Variants in DTNB observed in about 807,000 individuals in gnomAD.
DTNB encodes the protein dystrobrevin beta, also known as DTN-B.
DTNB carries 63 observed loss-of-function variants against 90.7 expected under a neutral mutation model. The ratio of observed to expected loss-of-function variants is 0.69; its 90% CI spans 0.57 to 0.86. The LOEUF is 0.86. DTNB is among the 40% of genes least tolerant of loss of function. DTNB has a pLI of 0.00. For synonymous variants in DTNB, 277 were observed against 286.7 expected (o/e 0.97, Z 0.34); for missense variants, 744 against 807.1 (o/e 0.92, Z 0.95).
intron 3 of DTNB, among the ~76,000 whole-genome samples, chr2:25,630,067 G>A (rs1159071208): frequency 6.6e-6 from 1 of 152,046 alleles, no homozygotes; most frequent in African/African-American, 2.4e-5. Context: ...ATTTAAAAAT[G>A]GGAAAATAAT....
At position 25,474,723 on chromosome 2, in the gene DTNB, T is replaced by G. The variant is rs141326057; in HGVS notation, c.1079+8073A>C. On this transcript the variant is annotated intron_variant, in intron 10 of 20. Transcript: ENST00000406818. ...CTGTGCTTTTTACAAATTGAACATTTGTGGCAACCCTGAGTTGAGCAAGGC... is the reference window on the plus strand; with the variant it reads ...CTGTGCTTTTTACAAATTGAACATTGGTGGCAACCCTGAGTTGAGCAAGGC... Among the ~76,000 whole-genome samples, 263 of 152,342 alleles carry G rather than the reference T, an allele frequency of 1.7e-3. 1 individual carries two copies. The highest frequency in any genetic ancestry group is 6.1e-3 in the African/African-American group (254 of 41,572).
intron 5 of DTNB, among the ~76,000 whole-genome samples, chr2:25,605,009 G>A (rs1271625452): frequency 1.3e-5 from 2 of 152,174 alleles, no homozygotes; most frequent in Non-Finnish European, 2.9e-5. Flanking sequence ...ATGAGCCACT[G>A]CACCCAGCCA....
chr2:25,512,933 C>A (rs556532679), intron 9 of DTNB, among the ~76,000 whole-genome samples: 56 of 152,182 alleles, frequency 3.7e-4, no homozygotes, highest in Non-Finnish European at 5.3e-4. Flanking sequence ...GCCTTGAATT[C>A]CAGCACGAGG....
chr2:25,634,939 T>TGC (rs2076808950), intron 3 of DTNB, among the ~76,000 whole-genome samples: 1 of 126,246 alleles, frequency 7.9e-6, no homozygotes, highest in Non-Finnish European at 1.8e-5. Context: ...CAGGGTCCTC[T>TGC]GCCTAGGAAA....
chr2:25,499,205 A>G (rs913477064), intron 9 of DTNB, among the ~76,000 whole-genome samples: 2 of 152,116 alleles, frequency 1.3e-5, no homozygotes, highest in Non-Finnish European at 2.9e-5. Flanking sequence ...AAACAAACAA[A>G]AACAAAAACA....
At chr2:25,565,721 T>G (rs772269366) in intron 8 of DTNB, among the ~76,000 whole-genome samples, 3 of 152,214 alleles carry the variant, frequency 2.0e-5, no homozygotes, top group Admixed American at 6.5e-5. Flanking sequence ...TATATTATAC[T>G]GATTTTTGCA....
intron 16 of DTNB, chr2:25,419,215 AAC>A: frequency 1.9e-6 from 1 of 518,212 alleles, no homozygotes; most frequent in Non-Finnish European, 3.5e-6. Flanking sequence ...GACACACAAC[AAC>A]AGAGAATGAA....
At chr2:25,623,332 G>C (rs1193658120) in intron 4 of DTNB, among the ~76,000 whole-genome samples, 1 of 152,228 alleles carries the variant, frequency 6.6e-6, no homozygotes, top group African/African-American at 2.4e-5. Context: ...TTCCATGTAA[G>C]TGATTTGATT....
chr2:25,613,926 C>T (rs1199177543), intron 4 of DTNB, among the ~76,000 whole-genome samples: 1 of 152,156 alleles, frequency 6.6e-6, no homozygotes, highest in Non-Finnish European at 1.5e-5. Flanking sequence ...CCACTGCACT[C>T]CAGCCTGGGC....
At chr2:25,472,114 A>G (rs2062923468) in intron 10 of DTNB, among the ~76,000 whole-genome samples, 1 of 152,104 alleles carries the variant, frequency 6.6e-6, no homozygotes, top group African/African-American at 2.4e-5. Flanking sequence ...GAGAGACGGA[A>G]TTTGTTTTTG....
intron 6 of DTNB, among the ~76,000 whole-genome samples, chr2:25,590,873 G>A (rs933548981): frequency 2.0e-5 from 3 of 152,192 alleles, no homozygotes; most frequent in Non-Finnish European, 2.9e-5. Context: ...TCCACCCAGG[G>A]GCCTGTCTGC....
At chr2:25,447,461 T>TA (rs1343511474) in intron 12 of DTNB, among the ~76,000 whole-genome samples, 2 of 151,890 alleles carry the variant, frequency 1.3e-5, no homozygotes, top group Non-Finnish European at 2.9e-5. Flanking sequence ...ACAGGAGACC[T>TA]ATAAGCTTTC....
At chr2:25,397,243 G>C (rs2042610959) in intron 16 of DTNB, among the ~76,000 whole-genome samples, 1 of 151,090 alleles carries the variant, frequency 6.6e-6, no homozygotes, top group Admixed American at 6.6e-5. Flanking sequence ...GAGGCCAAGG[G>C]AGAAGAATTG....
At chr2:25,614,824 C>A (rs1377938090) in intron 4 of DTNB, among the ~76,000 whole-genome samples, 1 of 152,198 alleles carries the variant, frequency 6.6e-6, no homozygotes, top group African/African-American at 2.4e-5. Context: ...CACTCTGACA[C>A]CAGATGCCTC....
chr2:25,466,540 C>T (rs768785300), intron 10 of DTNB, among the ~76,000 whole-genome samples: 2 of 152,192 alleles, frequency 1.3e-5, no homozygotes, highest in Non-Finnish European at 1.5e-5. Flanking sequence ...TGTTAGAGAA[C>T]GCAGGGGAGC....
At chr2:25,614,569 TA>T (rs2069653187) in intron 4 of DTNB, among the ~76,000 whole-genome samples, 1 of 152,268 alleles carries the variant, frequency 6.6e-6, no homozygotes, top group South Asian at 2.1e-4. Context: ...AATTAAATAA[TA>T]TTTTTTAAAA....
chr2:25,578,583 G>A lies in DTNB; in HGVS notation c.710-1579C>T, dbSNP rs114008579. On this transcript the variant is annotated intron_variant, in intron 7 of 20. Transcript: ENST00000406818. ...ACCTTCTCTTCCAAACCACTCAAGA[G>A]CCAATCCTTAGTCAGTGGAATGGGT... 2.4e-3 allele frequency among the ~76,000 whole-genome samples: 365 copies of A among 152,296 alleles called. 3 individuals are homozygous for A. Among genetic ancestry groups the A allele is most frequent in the African/African-American group, 8.6e-3 (356 of 41,570 alleles).
intron 9 of DTNB, among the ~76,000 whole-genome samples, chr2:25,492,794 G>A (rs768129434): frequency 6.6e-6 from 1 of 152,064 alleles, no homozygotes; most frequent in Non-Finnish European, 1.5e-5. Flanking sequence ...AGGCTGTAGT[G>A]AGCCGACATC....
At chr2:25,383,142 T>G (rs948565236) in intron 19 of DTNB, among the ~76,000 whole-genome samples, 1 of 152,204 alleles carries the variant, frequency 6.6e-6, no homozygotes, top group Non-Finnish European at 1.5e-5. Flanking sequence ...CTTATTATAC[T>G]TATATGCTGA....
Sources: allele counts gnomAD v4.1 joint callset (sites outside exome capture counted in the v4.1 genomes callset), GRCh38; gene constraint gnomAD v4.1.1; transcripts MANE v1.5; gene names NCBI Gene and HGNC (gene_info 2026-07-23, HGNC 2026-07-21).